Variants in ERLEC1 observed in about 807,000 individuals in gnomAD.
The protein encoded by ERLEC1 is ER lectin.
Under a neutral mutation model 68.0 loss-of-function variants are expected in ERLEC1, and 47 were observed. That is an observed-to-expected ratio of 0.69 (90% CI 0.55 to 0.88). ERLEC1 has a LOEUF of 0.88. Ranked by LOEUF, ERLEC1 falls within the 40% of genes least tolerant of loss-of-function variation. The probability of loss-of-function intolerance (pLI) is 0.00; values close to 1 mark genes in which losing one functional copy is unlikely to be tolerated. For synonymous variants in ERLEC1, 225 were observed against 203.2 expected (o/e 1.11, Z -0.91); for missense variants, 567 against 583.8 (o/e 0.97, Z 0.30).
intron 1 of ERLEC1, among the ~76,000 whole-genome samples, chr2:53,791,298 T>C (rs970823365): frequency 1.3e-5 from 2 of 152,338 alleles, no homozygotes; most frequent in Non-Finnish European, 1.5e-5. Context: ...AATTTGACTT[T>C]GTCAGATCTC....
chr2:53,798,913 A>T, intron 5 of ERLEC1, 134 bp from the exon 6 acceptor site: 1 of 557,500 alleles, frequency 1.8e-6, no homozygotes, highest in Non-Finnish European at 3.0e-6. Flanking sequence ...GCTTTAAAGT[A>T]GTAAGATAAA....
chr2:53,807,733 A>C (rs1400604165), intron 8 of ERLEC1, among the ~76,000 whole-genome samples: 1 of 152,118 alleles, frequency 6.6e-6, no homozygotes. Context: ...AAGGTTGGGC[A>C]TGGTGGCTTA....
At chr2:53,809,609 G>T (rs1370706064) in intron 10 of ERLEC1, among the ~76,000 whole-genome samples, 2 of 152,128 alleles carry the variant, frequency 1.3e-5, no homozygotes, top group Non-Finnish European at 2.9e-5. Flanking sequence ...AATTAGCCGG[G>T]AGTGGTGCCG....
chr2:53,796,516 G>C (rs1675711473), intron 3 of ERLEC1, among the ~76,000 whole-genome samples: 1 of 151,612 alleles, frequency 6.6e-6, no homozygotes, highest in African/African-American at 2.4e-5. Flanking sequence ...CTAGAGTATA[G>C]TGGCATGATC....
intron 1 of ERLEC1, among the ~76,000 whole-genome samples, chr2:53,789,393 CA>C (rs1160757930): frequency 0.39 from 30,891 of 80,200 alleles, 2,515 homozygotes; most frequent in South Asian, 0.42. Flanking sequence ...GACTCTGTCT[CA>C]AAAAAAAAAA....
chr2:53,797,856 A>G, intron 5 of ERLEC1, 61 bp downstream of exon 5: 1 of 1,399,096 alleles, frequency 7.1e-7, no homozygotes, highest in South Asian at 1.2e-5. Flanking sequence ...TATATGTTCA[A>G]AATGGAATTT....
chr2:53,792,209 G>A (rs532895347), intron 1 of ERLEC1, among the ~76,000 whole-genome samples: 3 of 147,678 alleles, frequency 2.0e-5, no homozygotes, highest in African/African-American at 7.4e-5. Flanking sequence ...GAGCCACCGC[G>A]CCAGGCCTTT....
At position 53,794,325 on chromosome 2, in the gene ERLEC1, G is replaced by GT. The variant is rs777296809; in HGVS notation, c.163-14dup. On this transcript the variant is annotated intron_variant, in intron 1 of 13. Coordinates refer to ENST00000185150, the MANE Select transcript of ERLEC1 (RefSeq NM_015701.5). ...CAATTTCACGGAGAACATAATGTAT[G>GT]TTTTTTCTTCTATTTGCAGCCCACA... 5 of 1,159,400 alleles carry GT rather than the reference G, an allele frequency of 4.3e-6. No homozygotes were observed. The highest frequency in any genetic ancestry group is 6.2e-6 in the Non-Finnish European group (5 of 811,568). 71.8% of individuals were successfully genotyped at this position (1,159,400 alleles called of 1,614,324 possible).
chr2:53,804,687 A>C (rs1269278898), intron 8 of ERLEC1, among the ~76,000 whole-genome samples: 2 of 152,144 alleles, frequency 1.3e-5, no homozygotes, highest in African/African-American at 2.4e-5. Context: ...CAATCCAATG[A>C]GACTCTTTTA....
At chr2:53,797,631 A>G in intron 4 of ERLEC1, 39 bp downstream of exon 4, 1 of 1,584,064 alleles carries the variant, frequency 6.3e-7, no homozygotes, top group Non-Finnish European at 8.6e-7. Context: ...AAACATTATA[A>G]GATGAGAACT....
chr2:53,814,082 T>A (rs1676732749), intron 11 of ERLEC1, among the ~76,000 whole-genome samples: 1 of 152,232 alleles, frequency 6.6e-6, no homozygotes, highest in Non-Finnish European at 1.5e-5. Context: ...AAGCTTTTCT[T>A]TGGATCCTGC....
rs149394736 is a variant in ERLEC1, at chr2:53,809,263, A to G, written c.1091A>G (p.Gln364Arg). The change falls in exon 10 of 14, where the codon CAA becomes CGA. Residue 364 changes from glutamine to arginine, a missense_variant. Coordinates refer to ENST00000185150, the MANE Select transcript of ERLEC1 (RefSeq NM_015701.5). Reference sequence around the variant, plus strand: ...TTCTGCTATGGCAAACATGTACATCAATACCATGAGGTATAGAATAGCATT... The same window carrying G: ...TTCTGCTATGGCAAACATGTACATCGATACCATGAGGTATAGAATAGCATT... ...YEFCYGKHVH[Q>R]YHEDKDSGKT... 5.1e-6 allele frequency: 8 copies of G among 1,572,636 alleles called. No individual in the cohort carries two copies. The highest frequency in any genetic ancestry group is 6.9e-6 in the Non-Finnish European group (8 of 1,166,922).
chr2:53,800,987 A>G (rs1573081370), intron 6 of ERLEC1, among the ~76,000 whole-genome samples: 1 of 152,016 alleles, frequency 6.6e-6, no homozygotes, highest in East Asian at 1.9e-4. Flanking sequence ...TCAAATCTAA[A>G]CTCTAATATA....
intron 8 of ERLEC1, among the ~76,000 whole-genome samples, chr2:53,802,178 C>T (rs923375502): frequency 1.2e-4 from 18 of 152,166 alleles, no homozygotes; most frequent in African/African-American, 3.9e-4. Context: ...ATTAATTCTT[C>T]AGCTCATTGC....
At chr2:53,792,543 T>G (rs990071929) in intron 1 of ERLEC1, among the ~76,000 whole-genome samples, 1 of 152,206 alleles carries the variant, frequency 6.6e-6, no homozygotes, top group Admixed American at 6.5e-5. Flanking sequence ...ATGAGCATCA[T>G]ACTTGTTTTG....
chr2:53,805,321 T>C (rs1019260887), intron 8 of ERLEC1, among the ~76,000 whole-genome samples: 57 of 152,108 alleles, frequency 3.7e-4, no homozygotes, highest in African/African-American at 1.3e-3. Context: ...CGCACCCAGC[T>C]ACAGGATCTT....
intron 8 of ERLEC1, among the ~76,000 whole-genome samples, chr2:53,805,968 GTAGT>G (rs762292119): frequency 3.9e-5 from 6 of 152,206 alleles, no homozygotes; most frequent in East Asian, 1.9e-4. Context: ...TGTAGGATGA[GTAGT>G]TAGTTAAAAC....
chr2:53,796,880 TTTC>T (rs1290758868), intron 3 of ERLEC1, among the ~76,000 whole-genome samples: 4 of 147,304 alleles, frequency 2.7e-5, no homozygotes, highest in African/African-American at 1.0e-4. Context: ...AAAATAAAGT[TTTC>T]TTTTTCTTTT....
chr2:53,805,998 C>T (rs1676277303), intron 8 of ERLEC1, among the ~76,000 whole-genome samples: 1 of 152,154 alleles, frequency 6.6e-6, no homozygotes, highest in Admixed American at 6.5e-5. Flanking sequence ...ATCTTTATTT[C>T]AGAATCACTT....
Sources: gnomAD v4.1 joint callset for allele counts (sites outside exome capture counted in the v4.1 genomes callset) on GRCh38, gnomAD v4.1.1 for gene constraint, MANE v1.5 for transcripts, NCBI Gene and HGNC (gene_info 2026-07-23, HGNC 2026-07-21) for gene names.